Variants in CNBD1 observed in about 807,000 individuals in gnomAD.
CNBD1 encodes cyclic nucleotide binding domain containing 1.
A neutral mutation model predicts 54.4 loss-of-function variants in CNBD1; 71 were observed. The ratio of observed to expected loss-of-function variants is 1.30; its 90% confidence interval spans 1.08 to 1.59. The LOEUF is 1.59. Ranked by LOEUF, CNBD1 falls within the 40% of genes most tolerant of loss-of-function variation. The probability of loss-of-function intolerance (pLI) is 0.00; values close to 1 mark genes in which losing one functional copy is unlikely to be tolerated. For synonymous variants in CNBD1, 182 were observed against 170.7 expected (o/e 1.07, Z -0.51); for missense variants, 659 against 518.0 (o/e 1.27, Z -2.64).
At chr8:87,169,127 G>A (rs1023349660) in intron 4 of CNBD1, among the ~76,000 whole-genome samples, 1 of 151,996 alleles carries the variant, frequency 6.6e-6, no homozygotes, top group African/African-American at 2.4e-5. Flanking sequence ...TTTAACTGGG[G>A]TGAGGTGATA....
intron 4 of CNBD1, among the ~76,000 whole-genome samples, chr8:87,000,949 A>G (rs936043876): frequency 6.6e-6 from 1 of 151,958 alleles, no homozygotes; most frequent in Non-Finnish European, 1.5e-5. Context: ...TTTTTTATCT[A>G]TTGTTTTCAA....
chr8:87,415,026 G>C (rs749118508), intron 2 of CNBD1, among the ~76,000 whole-genome samples: 8 of 152,032 alleles, frequency 5.3e-5, no homozygotes. Context: ...AATGAAGGGG[G>C]ACCTGCTCAG....
chr8:87,320,383 AT>A, intron 8 of CNBD1, among the ~76,000 whole-genome samples: 1 of 152,160 alleles, frequency 6.6e-6, no homozygotes, highest in Non-Finnish European at 1.5e-5. Context: ...AATAACTTAG[AT>A]TTTCAATACC....
intron 4 of CNBD1, among the ~76,000 whole-genome samples, chr8:87,195,171 C>T (rs980747265): frequency 2.0e-5 from 3 of 151,800 alleles, no homozygotes; most frequent in Non-Finnish European, 4.4e-5. Flanking sequence ...GCATGAGCCA[C>T]CATGCCCGGC....
At chr8:86,882,455 A>C (rs552598114) in intron 1 of CNBD1, among the ~76,000 whole-genome samples, 27 of 152,304 alleles carry the variant, frequency 1.8e-4, no homozygotes, top group Admixed American at 7.8e-4. Flanking sequence ...AGAAATGCAA[A>C]TCAAACCACT....
At chr8:87,347,640 G>T (rs954267404) in intron 8 of CNBD1, among the ~76,000 whole-genome samples, 1 of 152,156 alleles carries the variant, frequency 6.6e-6, no homozygotes, top group African/African-American at 2.4e-5. Context: ...TTTGGGCAAA[G>T]ATTTAAAGTT....
At chr8:87,262,234 A>G (rs966166838) in intron 6 of CNBD1, among the ~76,000 whole-genome samples, 2 of 152,194 alleles carry the variant, frequency 1.3e-5, no homozygotes, top group Non-Finnish European at 2.9e-5. Context: ...TCGAAATATA[A>G]AAACTAGAAG....
chr8:87,324,999 T>A (rs1586014227), intron 8 of CNBD1, among the ~76,000 whole-genome samples: 1 of 106,740 alleles, frequency 9.4e-6, no homozygotes, highest in Admixed American at 8.4e-5. Flanking sequence ...TCTGGTATGT[T>A]GTGTCTTTGT....
intron 4 of CNBD1, among the ~76,000 whole-genome samples, chr8:87,123,596 A>G (rs1305013859): frequency 2.0e-5 from 3 of 151,708 alleles, no homozygotes; most frequent in Admixed American, 1.3e-4. Flanking sequence ...TCTAATGTTA[A>G]GCCTCAGGAA....
intron 6 of CNBD1, among the ~76,000 whole-genome samples, chr8:87,252,786 C>T (rs1807937556): frequency 6.6e-6 from 1 of 152,018 alleles, no homozygotes; most frequent in Non-Finnish European, 1.5e-5. Flanking sequence ...GAGTTAGTCT[C>T]AATTAAAGTG....
At chr8:87,189,557 C>T (rs980909753) in intron 4 of CNBD1, among the ~76,000 whole-genome samples, 8 of 151,994 alleles carry the variant, frequency 5.3e-5, no homozygotes, top group Admixed American at 5.2e-4. Flanking sequence ...CAAAAGGAAG[C>T]ATGTAAAAAA....
intron 10 of CNBD1, among the ~76,000 whole-genome samples, chr8:87,380,399 A>G (rs1229062719): frequency 6.6e-6 from 1 of 151,898 alleles, no homozygotes. Flanking sequence ...ATGCAATACC[A>G]TACTGTTTTG....
intron 4 of CNBD1, among the ~76,000 whole-genome samples, chr8:87,114,511 C>T (rs1167185111): frequency 3.9e-5 from 6 of 152,202 alleles, no homozygotes; most frequent in Admixed American, 6.5e-5. Flanking sequence ...CCACCACACT[C>T]GGCTAATTTT....
intron 4 of CNBD1, among the ~76,000 whole-genome samples, chr8:87,100,919 G>T (rs1046511459): frequency 6.6e-5 from 10 of 152,084 alleles, no homozygotes; most frequent in Admixed American, 2.0e-4. Flanking sequence ...TCTTCCTATT[G>T]AACCACCCAT....
intron 2 of CNBD1, among the ~76,000 whole-genome samples, chr8:87,414,308 TG>T (rs769988059): frequency 2.9e-4 from 44 of 152,026 alleles, no homozygotes; most frequent in Admixed American, 7.9e-4. Flanking sequence ...CACTCATAGG[TG>T]GGAATTGAAC....
At chr8:87,262,565 CTGTT>C (rs767545252) in intron 6 of CNBD1, among the ~76,000 whole-genome samples, 10 of 152,166 alleles carry the variant, frequency 6.6e-5, no homozygotes, top group South Asian at 2.1e-4. Context: ...TTTGCTCTCT[CTGTT>C]TGAGCTAAGA....
chr8:86,945,055 G>C (rs918035758), intron 4 of CNBD1, among the ~76,000 whole-genome samples: 3 of 152,070 alleles, frequency 2.0e-5, no homozygotes, highest in African/African-American at 7.3e-5. Context: ...GTTGGTATTT[G>C]ATTGCAGTGC....
chr8:86,894,302 CCA>C (rs1416656085), intron 2 of CNBD1, among the ~76,000 whole-genome samples: 2 of 150,790 alleles, frequency 1.3e-5, no homozygotes, highest in Admixed American at 6.6e-5. Flanking sequence ...ACCTCATGAT[CCA>C]CCCGCCTCGG....
intron 4 of CNBD1, among the ~76,000 whole-genome samples, chr8:87,058,853 C>T (rs1810481177): frequency 6.6e-6 from 1 of 152,176 alleles, no homozygotes; most frequent in African/African-American, 2.4e-5. Context: ...TAACATTTGG[C>T]TTATTGTTAC....
Sources: gnomAD v4.1 joint callset for allele counts (sites outside exome capture counted in the v4.1 genomes callset) on GRCh38, gnomAD v4.1.1 for gene constraint, MANE v1.5 for transcripts, NCBI Gene and HGNC (gene_info 2026-07-23, HGNC 2026-07-21) for gene names.